Variants in HOXD10 observed in about 807,000 individuals in gnomAD.
HOXD10 encodes the protein homeobox D10.
Under a neutral mutation model 27.0 loss-of-function variants are expected in HOXD10, and 15 were observed. The observed-to-expected ratio is 0.56, with a 90% CI of 0.37 to 0.85. The LOEUF (loss-of-function observed/expected upper bound fraction) is 0.85. HOXD10 is among the 40% of genes least tolerant of loss of function. The probability of loss-of-function intolerance (pLI) is 0.00; values close to 1 mark genes in which losing one functional copy is unlikely to be tolerated. For synonymous variants in HOXD10, 178 were observed against 160.9 expected (o/e 1.11, Z -0.80); for missense variants, 440 against 430.4 (o/e 1.02, Z -0.20).
At chr2:176,118,843 GA>G (rs1689809384) in intron 1 of HOXD10, 110 bp from the exon 2 acceptor site, 1 of 1,015,168 alleles carries the variant, frequency 9.9e-7, no homozygotes, top group Non-Finnish European at 1.5e-6. Flanking sequence ...ACAGTCTGAA[GA>G]AAAAAACAAA....
rs1064797272 is a variant in HOXD10, at chr2:176,117,117, C to A, written c.284C>A (p.Thr95Lys). ...TCTTGTCGAATAGAGCAACCTGTTA[C>A]ACAGCAAGTCCCCACTTGCTCCTTC... Reference protein sequence around the residue: ...NRSCRIEQPVTQQVPTCSFTT... With the variant: ...NRSCRIEQPVKQQVPTCSFTT... The change falls in exon 1 of 2, where the codon ACA becomes AAA. Residue 95 changes from threonine (T) to lysine (K), a missense_variant. By Grantham distance (78) the Thr-to-Lys change is moderately conservative. Coordinates refer to ENST00000249501, the MANE Select transcript of HOXD10 (RefSeq NM_002148.4). The A allele has an allele frequency of 1.9e-6, 3 of 1,614,172 alleles. No individual in the cohort carries two copies. Among genetic ancestry groups the A allele is most frequent in the Non-Finnish European group, 2.5e-6 (3 of 1,179,976 alleles).
intron 1 of HOXD10, among the ~76,000 whole-genome samples, chr2:176,118,574 C>T (rs762706750): frequency 1.3e-5 from 2 of 152,168 alleles, no homozygotes; most frequent in Admixed American, 1.3e-4. Context: ...CCCTCCGTCC[C>T]TGTTAGGAGC....
rs1553518855 is a variant in HOXD10, at chr2:176,119,466, A to ATATATATATATAG, written c.*235_*236insTATATATATATAG. 4.6e-5 allele frequency: 2 copies of ATATATATATATAG among 43,508 alleles called. No homozygotes were observed. Among genetic ancestry groups the ATATATATATATAG allele is most frequent in the Non-Finnish European group, 8.4e-5 (2 of 23,782 alleles). The allele number at this position is 43,508 out of a possible 1,614,324, so 2.7% of individuals were successfully genotyped here. On this transcript the variant is annotated 3_prime_UTR_variant, in exon 2 of 2. Transcript: ENST00000249501. ...ATATATATATATATATATATATATA[A>ATATATATATATAG]AAACTTAGCACGTGTAATTTATTAT...
Position 176,117,532 on chromosome 2 carries a change from T to C in HOXD10, c.699T>C (p.Ala233=). ...GGLPEERSCL[A]EVSVSSPEVQ... is the part of the protein sequence containing the mutation. ...TTCCCGAAGAGAGGAGCTGCCTGGC[T>C]GAGGTCTCCGTGTCCAGTCCCGAAG... The change falls in exon 1 of 2, where the codon GCT becomes GCC. Residue 233 remains alanine, a synonymous_variant. Transcript: ENST00000249501. The C allele has an allele frequency of 6.2e-7, 1 of 1,613,172 alleles. No homozygotes were observed. Among genetic ancestry groups the C allele is most frequent in the Non-Finnish European group, 8.5e-7 (1 of 1,180,022 alleles).
rs1173569132 is a variant in HOXD10, at chr2:176,119,446, TATATATATATATATATATAA to T, written c.*217_*236del. The T allele has an allele frequency of 1.3e-5, 2 of 151,694 alleles. No individual in the cohort carries two copies. Among genetic ancestry groups the T allele is most frequent in the Non-Finnish European group, 2.9e-5 (2 of 69,718 alleles). 9.4% of individuals were successfully genotyped at this position (151,694 alleles called of 1,614,324 possible). A position where few individuals can be genotyped will look rare whatever the true frequency, so the allele number is the denominator to read the frequency against. ...TGTAATCCCTATGAGTATATATATA[TATATATATATATATATATAA>T]AAACTTAGCACGTGTAATTTATTAT... is the stretch of plus-strand genomic sequence containing the variant. On this transcript the variant is annotated 3_prime_UTR_variant, in exon 2 of 2. Coordinates refer to ENST00000249501, the MANE Select transcript of HOXD10 (RefSeq NM_002148.4).
Position 176,117,226 on chromosome 2 carries a change from C to T in HOXD10, c.393C>T (p.Tyr131=), listed in dbSNP as rs777285981. 1 of 1,611,878 alleles carries T rather than the reference C, an allele frequency of 6.2e-7. No homozygotes were observed. Among genetic ancestry groups the T allele is most frequent in the African/African-American group, 1.3e-5 (1 of 74,996 alleles). ...TCATTTCGGCCGAGGTCCCTTCGTA[C>T]CAGAGGCTGGTCCCTGAGTCTTGTC... ...NKLISAEVPS[Y]QRLVPESCPV... is the part of the protein sequence containing the mutation. The change falls in exon 1 of 2, where the codon TAC becomes TAT. Residue 131 remains tyrosine, a synonymous_variant. Transcript: ENST00000249501.
Position 176,117,295 on chromosome 2 carries a change from G to T in HOXD10, c.462G>T (p.Leu154=), listed in dbSNP as rs1689773227. 1 of 1,612,644 alleles carries T rather than the reference G, an allele frequency of 6.2e-7. No homozygotes were observed. The change falls in exon 1 of 2, where the codon CTG becomes CTT. Residue 154 remains leucine, a synonymous_variant. Transcript: ENST00000249501. ...TTCCCGTCCCTGGATATTTTAGACT[G>T]AGTCAGACCTACGCCACCGGGAAAA... is the stretch of plus-strand genomic sequence containing the variant. ...PEVPVPGYFR[L]SQTYATGKTQ... is the part of the protein sequence containing the mutation.
Position 176,117,243 on chromosome 2 carries a change from A to T in HOXD10, c.410A>T (p.Glu137Val). ...CCTTCGTACCAGAGGCTGGTCCCTG[A>T]GTCTTGTCCCGTTGAGAACCCTGAG... ...EVPSYQRLVP[E>V]SCPVENPEVP... Residue 137 changes from glutamate to valine, a missense_variant, in exon 1 of 2, where the codon GAG becomes GTG. Transcript: ENST00000249501. 6.2e-7 allele frequency: 1 copy of T among 1,610,580 alleles called. No individual in the cohort carries two copies. Among genetic ancestry groups the T allele is most frequent in the Non-Finnish European group, 8.5e-7 (1 of 1,177,296 alleles).
chr2:176,117,720 C>A, intron 1 of HOXD10, 142 bp downstream of exon 1: 1 of 940,648 alleles, frequency 1.1e-6, no homozygotes, highest in South Asian at 1.4e-5. Context: ...GTGATCTCAG[C>A]CCTGAGATAG....
rs6147035 is a variant in HOXD10 at position 176,119,435 on chromosome 2, G to GTATATATATA, written c.*225_*234dup. Reference sequence around the variant, plus strand: ...TGCAAGTGATCTGTAATCCCTATGAGTATATATATATATATATATATATAT... The same window carrying GTATATATATA: ...TGCAAGTGATCTGTAATCCCTATGAGTATATATATATATATATATATATATATATATATAT... On this transcript the variant is annotated 3_prime_UTR_variant, in exon 2 of 2. Coordinates refer to ENST00000249501, the MANE Select transcript of HOXD10 (RefSeq NM_002148.4). The GTATATATATA allele has an allele frequency of 0.036, 6,423 of 177,782 alleles. 356 individuals are homozygous for GTATATATATA. Among genetic ancestry groups the GTATATATATA allele is most frequent in the African/African-American group, 0.061 (1,305 of 21,466 alleles). The allele number at this position is 177,782 out of a possible 1,614,324, so 11.0% of individuals were successfully genotyped here.
intron 1 of HOXD10, among the ~76,000 whole-genome samples, chr2:176,118,451 A>G (rs1161613179): frequency 1.3e-5 from 2 of 152,094 alleles, no homozygotes; most frequent in Non-Finnish European, 2.9e-5. Flanking sequence ...GGGCACCTAT[A>G]AACCTGACTG....
intron 1 of HOXD10, 97 bp from the exon 2 acceptor site, chr2:176,118,857 C>A: frequency 1.8e-6 from 2 of 1,107,294 alleles, no homozygotes; most frequent in Non-Finnish European, 2.6e-6. Context: ...AAAACAAAAA[C>A]GAAAACCAAA....
rs755749174 is a variant in HOXD10, at chr2:176,117,306, A to T, written c.473A>T (p.Tyr158Phe). ...GGATATTTTAGACTGAGTCAGACCT[A>T]CGCCACCGGGAAAACCCAAGAGTAC... ...VPGYFRLSQT[Y>F]ATGKTQEYNN... The change falls in exon 1 of 2, where the codon TAC becomes TTC. Residue 158 changes from tyrosine (Y) to phenylalanine (F), a missense_variant. Transcript: ENST00000249501. The T allele has an allele frequency of 3.7e-6, 6 of 1,613,304 alleles. No individual in the cohort carries two copies. The highest frequency in any genetic ancestry group is 4.2e-6 in the Non-Finnish European group (5 of 1,179,368).
intron 1 of HOXD10, 48 bp from the exon 2 acceptor site, chr2:176,118,906 A>G: frequency 6.6e-7 from 1 of 1,526,302 alleles, no homozygotes; most frequent in Non-Finnish European, 9.0e-7. Context: ...AAACAAACAA[A>G]CAAAAAACCT....
At position 176,116,991 on chromosome 2, in the gene HOXD10, T is replaced by C; in HGVS notation, c.158T>C (p.Leu53Pro). The C allele has an allele frequency of 6.2e-7, 1 of 1,614,182 alleles. No individual in the cohort carries two copies. Among genetic ancestry groups the C allele is most frequent in the Non-Finnish European group, 8.5e-7 (1 of 1,180,024 alleles). Residue 53 changes from leucine (L) to proline (P), a missense_variant, in exon 1 of 2, where the codon CTG (leucine) becomes CCG (proline). Coordinates refer to ENST00000249501, the MANE Select transcript of HOXD10 (RefSeq NM_002148.4). The part of the protein sequence containing the change: ...MGTYGMQTCG[L>P]LPSLAKREVN... ...ACCTATGGAATGCAAACCTGTGGAC[T>C]GCTCCCGTCTCTGGCCAAAAGAGAA... is the stretch of plus-strand genomic sequence containing the variant.
At position 176,118,945 on chromosome 2, in the gene HOXD10, T is replaced by C; in HGVS notation, c.746-9T>C. The C allele has an allele frequency of 6.2e-7, 1 of 1,609,266 alleles. No individual in the cohort carries two copies. The highest frequency in any genetic ancestry group is 1.3e-5 in the African/African-American group (1 of 74,882). ...GATTTTTTTCTTCTTCTCCCTTTAA[T>C]TTTGTTAGAGGAAATCAAGTCTGAT... On this transcript the variant is annotated splice_polypyrimidine_tract_variant and intron_variant, in intron 1 of 1. Coordinates refer to ENST00000249501, the MANE Select transcript of HOXD10 (RefSeq NM_002148.4).
In HOXD10 at chr2:176,117,155, A is replaced by G. The variant is rs764038915; in HGVS notation, c.322A>G (p.Lys108Glu). The G allele has an allele frequency of 1.8e-5, 29 of 1,614,056 alleles. No homozygotes were observed. Among genetic ancestry groups the G allele is most frequent in the Non-Finnish European group, 2.5e-5 (29 of 1,180,016 alleles). The change falls in exon 1 of 2, where the codon AAG (lysine) becomes GAG (glutamate). Residue 108 changes from lysine to glutamate, a missense_variant. Coordinates refer to ENST00000249501, the MANE Select transcript of HOXD10 (RefSeq NM_002148.4). Reference sequence around the variant, plus strand: ...CACTTGCTCCTTCACCACCAACATTAAGGAAGAATCCAATTGCTGCATGTA... The same window carrying G: ...CACTTGCTCCTTCACCACCAACATTGAGGAAGAATCCAATTGCTGCATGTA... The part of the protein sequence containing the change: ...VPTCSFTTNI[K>E]EESNCCMYSD...
At position 176,118,926 on chromosome 2, in the gene HOXD10, TTTC is replaced by T. The variant is rs758986751; in HGVS notation, c.746-20_746-18del. 6 of 1,593,342 alleles carry T rather than the reference TTTC, an allele frequency of 3.8e-6. No individual in the cohort carries two copies. The African/African-American group carries it at 5.4e-5, about 14-fold the overall frequency. On this transcript the variant is annotated intron_variant, in intron 1 of 1. Transcript: ENST00000249501. ...AACAAACAAAAAACCTCTTGATTTT[TTTC>T]TTCTTCTCCCTTTAATTTTGTTAGA...
rs61070787 is a variant in HOXD10, at chr2:176,119,286, G to A, written c.*55G>A. On this transcript the variant is annotated 3_prime_UTR_variant, in exon 2 of 2. Coordinates refer to ENST00000249501, the MANE Select transcript of HOXD10 (RefSeq NM_002148.4). ...GCCAGGATTGGAGAGGGGGCACCGCGTTCCAGGGCCCAGTGCTGGAGGACT... is the reference window on the plus strand; with the variant it reads ...GCCAGGATTGGAGAGGGGGCACCGCATTCCAGGGCCCAGTGCTGGAGGACT... 3 of 1,571,522 alleles carry A rather than the reference G, an allele frequency of 1.9e-6. No homozygotes were observed. Among genetic ancestry groups the A allele is most frequent in the Admixed American group, 1.7e-5 (1 of 58,232 alleles).
Sources: allele counts gnomAD v4.1 joint callset (sites outside exome capture counted in the v4.1 genomes callset), GRCh38; gene constraint gnomAD v4.1.1; transcripts MANE v1.5; gene names NCBI Gene and HGNC (gene_info 2026-07-23, HGNC 2026-07-21).